Variants in ZNF761 observed in about 807,000 individuals in gnomAD.
The protein encoded by ZNF761 is zinc finger protein 761.
A neutral mutation model predicts 59.9 loss-of-function variants in ZNF761; 43 were observed. That is an observed-to-expected ratio of 0.72 (90% CI 0.56 to 0.92). The LOEUF is 0.92. Ranked by LOEUF, ZNF761 falls within the 40% of genes least tolerant of loss-of-function variation. ZNF761 has a pLI of 0.00. For synonymous variants in ZNF761, 294 were observed against 304.8 expected (o/e 0.96, Z 0.37); for missense variants, 850 against 906.1 (o/e 0.94, Z 0.79).
chr19:53,452,972 G>A (rs1430315599), intron 4 of ZNF761, among the ~76,000 whole-genome samples: 1 of 152,050 alleles, frequency 6.6e-6, no homozygotes, highest in African/African-American at 2.4e-5. Flanking sequence ...TGTTTTCTCT[G>A]ATCTTAGTTT....
intron 1 of ZNF761, among the ~76,000 whole-genome samples, chr19:53,438,435 C>A (rs2086065194): frequency 6.6e-6 from 1 of 152,148 alleles, no homozygotes; most frequent in East Asian, 1.9e-4. Flanking sequence ...TGAGTCAGAG[C>A]CCCTATAGTC....
At chr19:53,441,955 C>A (rs916888479) in intron 1 of ZNF761, 17 of 1,460,612 alleles carry the variant, frequency 1.2e-5, no homozygotes, top group African/African-American at 2.8e-5. Flanking sequence ...CTGAGCACCT[C>A]CAGTGAGAAG....
At chr19:53,449,749 T>A in intron 4 of ZNF761, 111 bp downstream of exon 4, 1 of 1,561,090 alleles carries the variant, frequency 6.4e-7, no homozygotes, top group South Asian at 1.2e-5. Flanking sequence ...AGTGCAATGG[T>A]GTGATCATGG....
In ZNF761 at chr19:53,449,652, C is replaced by T; in HGVS notation, c.142+14C>T. ...TGGTCTCCCTGGGTGAGGATAACTT[C>T]CCTCCAGAAGTGGGAATGTGCCCTT... On this transcript the variant is annotated intron_variant, in intron 4 of 4. Transcript: ENST00000684525. The T allele has an allele frequency of 6.2e-7, 1 of 1,600,520 alleles. No individual in the cohort carries two copies.
At chr19:53,435,133 A>T (rs1200857494) in intron 1 of ZNF761, among the ~76,000 whole-genome samples, 4 of 151,478 alleles carry the variant, frequency 2.6e-5, no homozygotes, top group African/African-American at 4.9e-5. Flanking sequence ...AAAGGGGGGG[A>T]CCTTGGTTTG....
chr19:53,451,072 G>A (rs1315672682), intron 4 of ZNF761, among the ~76,000 whole-genome samples: 2 of 151,328 alleles, frequency 1.3e-5, no homozygotes, highest in South Asian at 2.1e-4. Flanking sequence ...AATTATTTCT[G>A]TGTATGTTGC....
At position 53,454,866 on chromosome 19, in the gene ZNF761, C is replaced by CAAAAAAATCAAA. The variant is rs770177327; in HGVS notation, c.360_361insAAAAAATCAAAA (p.Thr120_Gly121insLysLysSerLys). The CAAAAAAATCAAA allele has an allele frequency of 2.5e-6, 4 of 1,614,114 alleles. No homozygotes were observed. In the South Asian group the frequency reaches 4.4e-5, roughly 18 times the overall value. ...CCCATGACAAAAATCAAAAAGTTGA[C>CAAAAAAATCAAA]AGGTATTACAGAACGATATGATCAA... On this transcript the variant is annotated inframe_insertion, in exon 5 of 5. Transcript: ENST00000684525.
intron 4 of ZNF761, among the ~76,000 whole-genome samples, chr19:53,454,409 A>C (rs553915749): frequency 6.6e-6 from 1 of 151,236 alleles, no homozygotes; most frequent in Non-Finnish European, 1.5e-5. Flanking sequence ...TAGGCTACAC[A>C]TGTTTGTGCC....
intron 1 of ZNF761, among the ~76,000 whole-genome samples, chr19:53,434,595 T>C (rs2086016583): frequency 6.6e-6 from 1 of 152,214 alleles, no homozygotes; most frequent in African/African-American, 2.4e-5. Flanking sequence ...TATTATAATA[T>C]TGCTGTCTTA....
chr19:53,447,268 G>A lies in ZNF761; in HGVS notation c.-1G>A. On this transcript the variant is annotated 5_prime_UTR_variant, in exon 3 of 5. Coordinates refer to ENST00000684525, the MANE Select transcript of ZNF761 (RefSeq NM_001289951.2). The stretch of plus-strand genomic sequence containing the variant: ...GGAAGAGGAGAGCAAAGGAGTCAGG[G>A]ATGGCTTTTTCTCAGGTGAGATGAT... 3.1e-6 allele frequency: 5 copies of A among 1,613,250 alleles called. No individual in the cohort carries two copies. Among genetic ancestry groups the A allele is most frequent in the Non-Finnish European group, 4.2e-6 (5 of 1,179,666 alleles).
chr19:53,453,572 A>G (rs1221613940), intron 4 of ZNF761, among the ~76,000 whole-genome samples: 1 of 152,200 alleles, frequency 6.6e-6, no homozygotes, highest in Non-Finnish European at 1.5e-5. Context: ...GACACAGTCC[A>G]CTAGCTAATG....
Position 53,456,409 on chromosome 19 carries a change from C to T in ZNF761, c.1902C>T (p.Tyr634=). 6.2e-7 allele frequency: 1 copy of T among 1,612,438 alleles called. No individual in the cohort carries two copies. The highest frequency in any genetic ancestry group is 8.5e-7 in the Non-Finnish European group (1 of 1,179,592). ...HRRLHTGEKP[Y]KCEECDKAFR... The stretch of plus-strand genomic sequence containing the variant: ...GACTTCATACCGGAGAGAAACCTTA[C>T]AAATGTGAAGAATGTGACAAAGCTT... The change falls in exon 5 of 5, where the codon TAC becomes TAT. Residue 634 remains tyrosine, a synonymous_variant. Coordinates refer to ENST00000684525, the MANE Select transcript of ZNF761 (RefSeq NM_001289951.2).
chr19:53,442,046 G>C, intron 1 of ZNF761: 1 of 873,984 alleles, frequency 1.1e-6, no homozygotes, highest in South Asian at 1.4e-5. Flanking sequence ...GGTTGAAGAG[G>C]AGCTGGACTG....
rs1414789474 is a variant in ZNF761 at position 53,455,037 on chromosome 19, C to G, written c.530C>G (p.Ala177Gly). 6.2e-7 allele frequency: 1 copy of G among 1,613,982 alleles called. No homozygotes were observed. The highest frequency in any genetic ancestry group is 8.5e-7 in the Non-Finnish European group (1 of 1,180,028). ...SVHDASLVSTAQRISCRPKTH... is the reference protein window; with the variant it reads ...SVHDASLVSTGQRISCRPKTH... Reference sequence around the variant, plus strand: ...CACGATGCTTCCTTGGTTTCAACAGCCCAAAGAATTTCTTGTAGGCCCAAA... The same window carrying G: ...CACGATGCTTCCTTGGTTTCAACAGGCCAAAGAATTTCTTGTAGGCCCAAA... The change falls in exon 5 of 5, where the codon GCC becomes GGC. Residue 177 changes from alanine to glycine, a missense_variant. Transcript: ENST00000684525.
At position 53,447,221 on chromosome 19, in the gene ZNF761, C is replaced by A; in HGVS notation, c.-48C>A. 6.2e-7 allele frequency: 1 copy of A among 1,606,792 alleles called. No individual in the cohort carries two copies. Among genetic ancestry groups the A allele is most frequent in the Non-Finnish European group, 8.5e-7 (1 of 1,176,412 alleles). ...GATTGACTTCTAAAGACTCTTGGTA[C>A]GTGAGGAAGAAACCCGGAAGAGGAA... is the stretch of plus-strand genomic sequence containing the variant. On this transcript the variant is annotated 5_prime_UTR_variant, in exon 3 of 5. An upstream open reading frame in the 5' UTR gains an earlier in-frame stop. Coordinates refer to ENST00000684525, the MANE Select transcript of ZNF761 (RefSeq NM_001289951.2).
intron 4 of ZNF761, among the ~76,000 whole-genome samples, chr19:53,452,955 T>C (rs1390561122): frequency 2.6e-5 from 4 of 152,238 alleles, no homozygotes; most frequent in African/African-American, 7.2e-5. Flanking sequence ...CAATTTGATT[T>C]ATAAAATGTT....
At position 53,432,732 on chromosome 19, in the gene ZNF761, T is replaced by C. The variant is rs531319118; in HGVS notation, c.-185+704T>C. On this transcript the variant is annotated intron_variant, in intron 1 of 4. Coordinates refer to ENST00000684525, the MANE Select transcript of ZNF761 (RefSeq NM_001289951.2). The stretch of plus-strand genomic sequence containing the variant: ...ACAGAAAAGAAGAATGAGAAAGACC[T>C]ATAACAGATGGCAAAGTAGAGGATG... Among the ~76,000 whole-genome samples the C allele has an allele frequency of 1.8e-4, 28 of 152,044 alleles. 1 individual carries two copies. Among genetic ancestry groups the C allele is most frequent in the East Asian group, 5.8e-4 (3 of 5,180 alleles).
chr19:53,443,200 A>G (rs1939634460), intron 1 of ZNF761: 1 of 161,406 alleles, frequency 6.2e-6, no homozygotes, highest in Non-Finnish European at 1.3e-5. Context: ...TAGTTTAACC[A>G]GTTAATGTAT....
chr19:53,439,811 G>A (rs879766068), intron 1 of ZNF761, among the ~76,000 whole-genome samples: 3 of 152,118 alleles, frequency 2.0e-5, no homozygotes, highest in Non-Finnish European at 4.4e-5. Flanking sequence ...TTATAGAGCC[G>A]TTCTAAATGC....
Sources: allele counts gnomAD v4.1 joint callset (sites outside exome capture counted in the v4.1 genomes callset), GRCh38; gene constraint gnomAD v4.1.1; transcripts MANE v1.5; gene names NCBI Gene and HGNC (gene_info 2026-07-23, HGNC 2026-07-21).